The following ACSM3 variants were observed in gnomAD, a reference collection of about 807,000 sequenced individuals.
ACSM3 encodes the protein acyl-CoA synthetase medium chain family member 3.
ACSM3 carries 61 observed loss-of-function variants against 74.1 expected under a neutral mutation model. The observed-to-expected ratio is 0.82, with a 90% confidence interval of 0.67 to 1.02. The LOEUF (loss-of-function observed/expected upper bound fraction) is 1.02. Among genes scored for constraint, ACSM3 ranks in the 50% least tolerant of loss-of-function variants. The pLI, the probability that ACSM3 is intolerant of heterozygous loss-of-function variation, is 0.00. For missense variants in ACSM3, 660 were observed against 697.0 expected (o/e 0.95, Z 0.60); for synonymous variants, 213 against 241.5 (o/e 0.88, Z 1.09).
intron 1 of ACSM3, chr16:20,682,153 AAAT>A: frequency 8.7e-7 from 1 of 1,145,618 alleles, no homozygotes; most frequent in Admixed American, 2.2e-5. Flanking sequence ...TGGTGCACCT[AAAT>A]AATAAATACA....
Position 20,786,363 on chromosome 16 carries a change from T to C in ACSM3, c.1224+205T>C, listed in dbSNP as rs187074721. ...TTTTGCAAATACCCATATTGTACCA[T>C]ACAGTTCTAAGCATTTAATAAACGT... On this transcript the variant is annotated intron_variant, in intron 9 of 13. Transcript: ENST00000289416. 211 of 1,067,832 alleles carry C rather than the reference T, an allele frequency of 2.0e-4. No homozygotes were observed. In the African/African-American group the frequency reaches 3.2e-3, roughly 16 times the overall value. 66.1% of individuals were successfully genotyped at this position (1,067,832 alleles called of 1,614,324 possible). A position where few individuals can be genotyped will look rare whatever the true frequency, so the allele number is the denominator to read the frequency against.
intron 1 of ACSM3, among the ~76,000 whole-genome samples, chr16:20,709,028 A>C (rs1470517793): frequency 6.6e-6 from 1 of 152,270 alleles, no homozygotes; most frequent in Admixed American, 6.5e-5. Context: ...TGAAGAAAGG[A>C]CAGTCTTTTT....
Position 20,792,330 on chromosome 16 carries a change from G to A in ACSM3, c.1549G>A (p.Gly517Arg), listed in dbSNP as rs2152487477. The change falls in exon 12 of 14, where the codon GGA becomes AGA. Residue 517 changes from glycine (G) to arginine (R), a missense_variant. Gly to Arg is a moderately radical substitution (Grantham distance 125, BLOSUM62 -2). Transcript: ENST00000289416. Reference sequence around the variant, plus strand: ...TGTCAGCAGCCCAGACCCCATCAGAGGAGAGGTAAAAGAACTGATTCATGT... The same window carrying A: ...TGTCAGCAGCCCAGACCCCATCAGAAGAGAGGTAAAAGAACTGATTCATGT... ...AVVSSPDPIRGEVVKAFVVLN... is the reference protein window; with the variant it reads ...AVVSSPDPIRREVVKAFVVLN... The A allele has an allele frequency of 6.2e-7, 1 of 1,613,936 alleles. No individual in the cohort carries two copies.
At chr16:20,699,708 C>A (rs1208839590) in intron 1 of ACSM3, among the ~76,000 whole-genome samples, 2 of 152,156 alleles carry the variant, frequency 1.3e-5, no homozygotes, top group African/African-American at 4.8e-5. Flanking sequence ...CCCTGTGGAA[C>A]TGCAACATGA....
intron 1 of ACSM3, among the ~76,000 whole-genome samples, chr16:20,694,814 T>C (rs534439993): frequency 6.6e-4 from 101 of 152,212 alleles, no homozygotes; most frequent in African/African-American, 2.4e-3. Context: ...TTAAAATGAG[T>C]TATTAGGGTG....
upstream of ACSM3, among the ~76,000 whole-genome samples, chr16:20,762,338 G>GA (rs765546334): frequency 6.7e-6 from 1 of 149,130 alleles, no homozygotes; most frequent in South Asian, 2.1e-4. Context: ...AATAATAGAA[G>GA]AAAAAAATCA....
chr16:20,678,494 G>A (rs1256757420), intron 1 of ACSM3, among the ~76,000 whole-genome samples: 4 of 152,158 alleles, frequency 2.6e-5, no homozygotes, highest in East Asian at 1.9e-4. Flanking sequence ...GAACTTCACC[G>A]AATTACCCTG....
At chr16:20,714,366 G>A (rs534579396) in intron 1 of ACSM3, among the ~76,000 whole-genome samples, 1 of 152,216 alleles carries the variant, frequency 6.6e-6, no homozygotes, top group South Asian at 2.1e-4. Flanking sequence ...AATTGCCCCT[G>A]TAAACAAGGG....
chr16:20,784,967 T>C lies in ACSM3; in HGVS notation c.1020-17T>C, dbSNP rs8058407. On this transcript the variant is annotated splice_polypyrimidine_tract_variant and intron_variant, in intron 7 of 13. Coordinates refer to ENST00000289416, the MANE Select transcript of ACSM3 (RefSeq NM_005622.4). ...CATTTTTCCTCCTAAATCTAACTTA[T>C]CTGGTTTTCTGAGAAGCTATAAGTT... 888 of 1,603,916 alleles carry C rather than the reference T, an allele frequency of 5.5e-4. 6 individuals are homozygous for C. The African/African-American group carries it at 0.011, about 20-fold the overall frequency.
At chr16:20,713,889 C>G (rs1183459993) in intron 1 of ACSM3, among the ~76,000 whole-genome samples, 1 of 152,084 alleles carries the variant, frequency 6.6e-6, no homozygotes, top group African/African-American at 2.4e-5. Flanking sequence ...TGTCTCATTG[C>G]CAACAGTTGG....
chr16:20,795,765 A>T (rs1053420646), intron 12 of ACSM3, among the ~76,000 whole-genome samples: 10 of 152,214 alleles, frequency 6.6e-5, no homozygotes, highest in African/African-American at 2.4e-4. Context: ...GTAGTGCCCT[A>T]GGAGAGAAAA....
At chr16:20,737,032 T>C in intron 1 of ACSM3, 1 of 1,614,166 alleles carries the variant, frequency 6.2e-7, no homozygotes, top group Non-Finnish European at 8.5e-7. Flanking sequence ...TGGTTATTTT[T>C]TCCTTCTGCT....
intron 12 of ACSM3, among the ~76,000 whole-genome samples, chr16:20,793,246 A>G (rs1356676386): frequency 6.6e-6 from 1 of 152,154 alleles, no homozygotes; most frequent in East Asian, 1.9e-4. Flanking sequence ...AGGTGGGTGG[A>G]TCACCTGAGG....
At chr16:20,714,607 T>C (rs779843550) in intron 1 of ACSM3, among the ~76,000 whole-genome samples, 19 of 151,950 alleles carry the variant, frequency 1.3e-4, no homozygotes, top group Non-Finnish European at 2.8e-4. Flanking sequence ...ACTTAGAGAA[T>C]ATTGGATGTG....
rs1484350952 is a variant in ACSM3 at position 20,792,307 on chromosome 16, T to G, written c.1526T>G (p.Val509Gly). Reference protein sequence around the residue: ...EHPSVAESAVVSSPDPIRGEV... With the variant: ...EHPSVAESAVGSSPDPIRGEV... Reference sequence around the variant, plus strand: ...CCTTCAGTTGCAGAGTCAGCTGTTGTCAGCAGCCCAGACCCCATCAGAGGA... The same window carrying G: ...CCTTCAGTTGCAGAGTCAGCTGTTGGCAGCAGCCCAGACCCCATCAGAGGA... Residue 509 changes from valine to glycine, a missense_variant, in exon 12 of 14, where the codon GTC (valine) becomes GGC (glycine). Physicochemically the swap from Val to Gly is moderately radical, Grantham distance 109 (BLOSUM62 -3). Coordinates refer to ENST00000289416, the MANE Select transcript of ACSM3 (RefSeq NM_005622.4). The G allele has an allele frequency of 6.2e-7, 1 of 1,614,100 alleles. No individual in the cohort carries two copies. The highest frequency in any genetic ancestry group is 1.1e-5 in the South Asian group (1 of 91,088).
At chr16:20,755,245 T>C (rs1316054237) in intron 2 of ACSM3, among the ~76,000 whole-genome samples, 2 of 152,176 alleles carry the variant, frequency 1.3e-5, no homozygotes, top group Non-Finnish European at 2.9e-5. Flanking sequence ...ATTACAAGAA[T>C]GTCTGTGTTT....
chr16:20,784,861 G>T (rs2080436108), intron 7 of ACSM3, 123 bp from the exon 8 acceptor site: 1 of 1,036,182 alleles, frequency 9.7e-7, no homozygotes, highest in Non-Finnish European at 1.4e-6. Flanking sequence ...TTTGTTTTGT[G>T]CTAGGGAGAG....
At chr16:20,712,377 A>G (rs9927006) in intron 1 of ACSM3, among the ~76,000 whole-genome samples, 73,802 of 151,884 alleles carry the variant, frequency 0.49, 18,874 homozygotes, top group Non-Finnish European at 0.58. Context: ...TCCTATCCTC[A>G]GTTCCTAACA....
upstream of ACSM3, among the ~76,000 whole-genome samples, chr16:20,759,120 G>A (rs533230751): frequency 3.9e-5 from 6 of 152,322 alleles, no homozygotes; most frequent in African/African-American, 1.2e-4. Flanking sequence ...CTTGTGATTA[G>A]AGGGTTAGAA....
Sources: allele counts gnomAD v4.1 joint callset (sites outside exome capture counted in the v4.1 genomes callset), GRCh38; gene constraint gnomAD v4.1.1; transcripts MANE v1.5; gene names NCBI Gene and HGNC (gene_info 2026-07-23, HGNC 2026-07-21).